KCNH8: variants seen among roughly 807,000 people sequenced by gnomAD.
KCNH8 encodes the protein potassium voltage-gated channel subfamily H member 8, also known as voltage-gated delayed rectifier potassium channel KCNH8.
A neutral mutation model predicts 103.6 loss-of-function variants in KCNH8; 70 were observed. The observed-to-expected ratio is 0.68, with a 90% CI of 0.56 to 0.82. KCNH8 has a LOEUF of 0.82. Among genes scored for constraint, KCNH8 ranks in the 40% least tolerant of loss-of-function variants. The pLI is 0.00. For missense variants in KCNH8, 1,217 were observed against 1,329.9 expected (o/e 0.92, Z 1.32); for synonymous variants, 498 against 489.4 (o/e 1.02, Z -0.23).
chr3:19,408,743 T>C (rs2066732033), intron 7 of KCNH8, among the ~76,000 whole-genome samples: 1 of 151,922 alleles, frequency 6.6e-6, no homozygotes, highest in African/African-American at 2.4e-5. Context: ...ATCAATAGAC[T>C]GGATGAAGTA....
intron 1 of KCNH8, among the ~76,000 whole-genome samples, chr3:19,160,101 A>G (rs556907514): frequency 4.1e-4 from 62 of 152,278 alleles, no homozygotes; most frequent in African/African-American, 1.5e-3. Context: ...TACATTTGTC[A>G]TGGGTGCCCA....
At chr3:19,224,098 A>C (rs1197344214) in intron 1 of KCNH8, among the ~76,000 whole-genome samples, 1 of 152,164 alleles carries the variant, frequency 6.6e-6, no homozygotes, top group Non-Finnish European at 1.5e-5. Flanking sequence ...ATTTCTGTTA[A>C]GATTAATTGA....
chr3:19,438,201 A>C lies in KCNH8; in HGVS notation c.1215A>C (p.Pro405=). ...LHELGKRLES[P]YYGNNTLGGP... ...AGTTGGGAAAGAGACTGGAATCTCC[A>C]TACTATGGCAACAATACCTTGGGGG... The change falls in exon 8 of 16, where the codon CCA becomes CCC. Residue 405 remains proline, a synonymous_variant. Transcript: ENST00000328405. The C allele has an allele frequency of 6.2e-7, 1 of 1,614,068 alleles. No homozygotes were observed. Among genetic ancestry groups the C allele is most frequent in the Non-Finnish European group, 8.5e-7 (1 of 1,180,000 alleles).
At chr3:19,204,656 C>T (rs1463351307) in intron 1 of KCNH8, among the ~76,000 whole-genome samples, 1 of 151,898 alleles carries the variant, frequency 6.6e-6, no homozygotes, top group Admixed American at 6.6e-5. Context: ...AAATATAATG[C>T]GCTCACTTGA....
intron 5 of KCNH8, among the ~76,000 whole-genome samples, chr3:19,382,013 T>A (rs2066295160): frequency 6.6e-6 from 1 of 152,162 alleles, no homozygotes; most frequent in Non-Finnish European, 1.5e-5. Context: ...TATATCTCTA[T>A]CCATTGTTGG....
At chr3:19,200,563 A>G (rs2063647713) in intron 1 of KCNH8, among the ~76,000 whole-genome samples, 2 of 148,546 alleles carry the variant, frequency 1.3e-5, no homozygotes, top group Admixed American at 1.3e-4. Context: ...AATCAGTGTG[A>G]TCTTTAGCTA....
chr3:19,530,440 T>TA (rs898199687), intron 15 of KCNH8, among the ~76,000 whole-genome samples: 1 of 152,076 alleles, frequency 6.6e-6, no homozygotes, highest in Non-Finnish European at 1.5e-5. Context: ...TATATATCAG[T>TA]AAAAAAAGAA....
At chr3:19,310,889 C>G (rs1016390389) in intron 3 of KCNH8, among the ~76,000 whole-genome samples, 2 of 151,810 alleles carry the variant, frequency 1.3e-5, no homozygotes, top group Non-Finnish European at 2.9e-5. Flanking sequence ...GGAGAATTAT[C>G]CATGCACAGT....
chr3:19,242,434 T>A (rs146056498), intron 1 of KCNH8, among the ~76,000 whole-genome samples: 1 of 152,300 alleles, frequency 6.6e-6, no homozygotes, highest in Non-Finnish European at 1.5e-5. Context: ...AGGTTATGTA[T>A]TGACCTTTAT....
At chr3:19,301,082 T>C (rs1215796309) in intron 3 of KCNH8, among the ~76,000 whole-genome samples, 4 of 151,430 alleles carry the variant, frequency 2.6e-5, no homozygotes, top group Admixed American at 2.0e-4. Flanking sequence ...TTATTATCAG[T>C]GTTTTCCAGG....
At position 19,148,540 on chromosome 3, in the gene KCNH8, G is replaced by T; in HGVS notation, c.-180G>T. 1.6e-6 allele frequency: 1 copy of T among 625,204 alleles called. No individual in the cohort carries two copies. 38.7% of individuals were successfully genotyped at this position (625,204 alleles called of 1,614,324 possible). ...TGGGGCTCCTCCTGCCACAGCCGGG[G>T]CGGCTGGAACTCTCTCCCTTTCTCC... On this transcript the variant is annotated 5_prime_UTR_variant, in exon 1 of 16. Transcript: ENST00000328405.
intron 11 of KCNH8, among the ~76,000 whole-genome samples, chr3:19,491,234 T>A (rs2068314073): frequency 6.6e-6 from 1 of 152,146 alleles, no homozygotes; most frequent in African/African-American, 2.4e-5. Flanking sequence ...TTATTTTAGA[T>A]AGATGGGGTA....
intron 1 of KCNH8, among the ~76,000 whole-genome samples, chr3:19,232,817 G>A (rs1039536145): frequency 6.6e-6 from 1 of 152,178 alleles, no homozygotes; most frequent in African/African-American, 2.4e-5. Flanking sequence ...CATGGGTCAC[G>A]TGTAGCTACA....
At chr3:19,287,390 A>G (rs1488550878) in intron 3 of KCNH8, among the ~76,000 whole-genome samples, 1 of 152,182 alleles carries the variant, frequency 6.6e-6, no homozygotes, top group Non-Finnish European at 1.5e-5. Flanking sequence ...GTTTCAAGAG[A>G]GTGCTGGGAG....
intron 1 of KCNH8, among the ~76,000 whole-genome samples, chr3:19,165,089 T>G (rs2063269679): frequency 6.6e-6 from 1 of 152,168 alleles, no homozygotes; most frequent in African/African-American, 2.4e-5. Context: ...GTGGTGGTTT[T>G]GGGCTTATAC....
intron 1 of KCNH8, among the ~76,000 whole-genome samples, chr3:19,187,499 T>C (rs541854432): frequency 1.3e-5 from 2 of 152,172 alleles, no homozygotes; most frequent in African/African-American, 2.4e-5. Context: ...ATCACCTCAG[T>C]TGATCACCCA....
chr3:19,239,648 ATCT>A (rs1346257048), intron 1 of KCNH8, among the ~76,000 whole-genome samples: 1 of 145,530 alleles, frequency 6.9e-6, no homozygotes, highest in Admixed American at 6.9e-5. Context: ...CTATCTATCT[ATCT>A]ATCTATCTAT....
intron 3 of KCNH8, among the ~76,000 whole-genome samples, chr3:19,325,310 A>G (rs2065406750): frequency 6.6e-6 from 1 of 152,152 alleles, no homozygotes; most frequent in South Asian, 2.1e-4. Context: ...CATGATGAAG[A>G]CACGAAAAGA....
At chr3:19,296,917 A>G (rs1358468708) in intron 3 of KCNH8, among the ~76,000 whole-genome samples, 1 of 152,164 alleles carries the variant, frequency 6.6e-6, no homozygotes, top group African/African-American at 2.4e-5. Context: ...AAGTGAAGAA[A>G]AGTAGTGAGT....
Sources: gnomAD v4.1 joint callset for allele counts (sites outside exome capture counted in the v4.1 genomes callset) on GRCh38, gnomAD v4.1.1 for gene constraint, MANE v1.5 for transcripts, NCBI Gene and HGNC (gene_info 2026-07-23, HGNC 2026-07-21) for gene names.